The following PCDHA3 variants were observed in gnomAD, a reference collection of about 807,000 sequenced individuals.
PCDHA3 encodes the protein protocadherin alpha-3.
A neutral mutation model predicts 62.2 loss-of-function variants in PCDHA3; 41 were observed. That is an observed-to-expected ratio of 0.66 (90% CI 0.51 to 0.86). The LOEUF is 0.86. PCDHA3 is among the 40% of genes least tolerant of loss of function. The probability of loss-of-function intolerance (pLI) is 0.00; values close to 1 mark genes in which losing one functional copy is unlikely to be tolerated. For missense variants in PCDHA3, 1,304 were observed against 1,241.2 expected, an observed-to-expected ratio of 1.05 and a Z score of -0.76; for synonymous variants, 640 against 555.4, an observed-to-expected ratio of 1.15 and a Z score of -2.14.
chr5:140,802,689 C>A lies in PCDHA3; in HGVS notation c.1492C>A (p.Arg498=). 4 of 1,612,930 alleles carry A rather than the reference C, an allele frequency of 2.5e-6. No homozygotes were observed. The highest frequency in any genetic ancestry group is 3.4e-6 in the Non-Finnish European group (4 of 1,179,786). ...ALVSYSLVER[R]VGERALSSYV... The stretch of plus-strand genomic sequence containing the variant: ...GGTGTCCTACTCGCTGGTGGAACGG[C>A]GGGTGGGGGAGCGCGCGCTGTCGAG... Residue 498 remains arginine (R), a synonymous_variant, in exon 1 of 4, where the codon CGG becomes AGG. Coordinates refer to ENST00000522353, the MANE Select transcript of PCDHA3 (RefSeq NM_018906.3).
At chr5:140,978,283 G>A (rs1355729190) in intron 1 of PCDHA3, among the ~76,000 whole-genome samples, 3 of 152,200 alleles carry the variant, frequency 2.0e-5, no homozygotes, top group South Asian at 2.1e-4. Context: ...CAGTGATTCA[G>A]TGAGGAGGGA....
intron 1 of PCDHA3, among the ~76,000 whole-genome samples, chr5:140,872,243 T>A (rs1484959006): frequency 6.6e-6 from 1 of 152,192 alleles, no homozygotes; most frequent in African/African-American, 2.4e-5. Flanking sequence ...TCTTTATTCC[T>A]GTGATAATAC....
intron 1 of PCDHA3, chr5:140,850,598 C>A (rs1358773904): frequency 6.3e-7 from 1 of 1,598,460 alleles, no homozygotes; most frequent in Non-Finnish European, 8.6e-7. Context: ...TGTACCTGAT[C>A]ATCGCCATCT....
rs2042132176 is a variant in PCDHA3, at chr5:140,851,700, G to A, written c.2394+48109G>A. On this transcript the variant is annotated intron_variant, in intron 1 of 3. Transcript: ENST00000522353. ...TCTCCATTCAGTGATAAAATGATCA[G>A]CCATGTGAAGATTCGAAACTTCGAG... 4.2e-6 allele frequency: 4 copies of A among 943,922 alleles called. 1 individual carries two copies. Among genetic ancestry groups the A allele is most frequent in the Admixed American group, 1.3e-4 (2 of 15,858 alleles). The allele number at this position is 943,922 out of a possible 1,614,324, so 58.5% of individuals were successfully genotyped here. A position where few individuals can be genotyped will look rare whatever the true frequency, so the allele number is the denominator to read the frequency against.
chr5:140,943,742 T>C (rs1326111617), intron 1 of PCDHA3, among the ~76,000 whole-genome samples: 2 of 152,200 alleles, frequency 1.3e-5, no homozygotes, highest in Non-Finnish European at 2.9e-5. Context: ...GTCCACAGTC[T>C]AAAAGCAGTA....
chr5:140,929,722 T>G (rs558208996), intron 1 of PCDHA3: 1 of 221,696 alleles, frequency 4.5e-6, no homozygotes, highest in Non-Finnish European at 9.4e-6. Flanking sequence ...AGGTGAAACA[T>G]TTACTTAAAC....
chr5:140,851,156 T>C (rs1174677153), intron 1 of PCDHA3: 2 of 1,302,318 alleles, frequency 1.5e-6, no homozygotes, highest in South Asian at 2.6e-5. Context: ...GAATTTCTGA[T>C]GCTATGCTGC....
intron 1 of PCDHA3, chr5:140,883,064 G>A (rs2059422329): frequency 1.2e-6 from 2 of 1,614,096 alleles, no homozygotes; most frequent in Non-Finnish European, 1.7e-6. Context: ...CAAGCTAAAT[G>A]CCACAGATCC....
Position 140,849,797 on chromosome 5 carries a change from A to G in PCDHA3, c.2394+46206A>G, listed in dbSNP as rs2150450643. On this transcript the variant is annotated intron_variant, in intron 1 of 3. Coordinates refer to ENST00000522353, the MANE Select transcript of PCDHA3 (RefSeq NM_018906.3). ...CCGCGCGGGACGGGGGCTCGCCTTC[A>G]CTGTGGGCCACGGCCAGGGTGTCTG... 700 of 1,597,928 alleles carry G rather than the reference A, an allele frequency of 4.4e-4. 59 individuals carry two copies. Among genetic ancestry groups the G allele is most frequent in the Non-Finnish European group, 5.7e-4 (663 of 1,167,700 alleles).
Position 141,010,878 on chromosome 5 carries a change from A to C in PCDHA3, c.*941A>C, listed in dbSNP as rs2098418656. 1.3e-5 allele frequency: 2 copies of C among 153,770 alleles called. No homozygotes were observed. Among genetic ancestry groups the C allele is most frequent in the South Asian group, 4.1e-4 (2 of 4,830 alleles). The allele number at this position is 153,770 out of a possible 1,614,324, so 9.5% of individuals were successfully genotyped here. ...GAAAGTCTATAGCTATAAATCTTTA[A>C]AGAGAAATATGAATACAATTCCCCT... On this transcript the variant is annotated 3_prime_UTR_variant, in exon 4 of 4. Transcript: ENST00000522353.
chr5:140,823,396 G>A (rs17844295), intron 1 of PCDHA3: 3 of 1,612,796 alleles, frequency 1.9e-6, no homozygotes, highest in South Asian at 2.2e-5. Flanking sequence ...CGACGCGGGC[G>A]TGCCGCCTCT....
At position 140,801,300 on chromosome 5, in the gene PCDHA3, G is replaced by T; in HGVS notation, c.103G>T (p.Val35Phe). 6.2e-7 allele frequency: 1 copy of T among 1,613,456 alleles called. No homozygotes were observed. Among genetic ancestry groups the T allele is most frequent in the Non-Finnish European group, 8.5e-7 (1 of 1,179,926 alleles). Residue 35 changes from valine to phenylalanine, a missense_variant, in exon 1 of 4, where the codon GTC (valine) becomes TTC (phenylalanine). By Grantham distance (50) the Val-to-Phe change is conservative. Coordinates refer to ENST00000522353, the MANE Select transcript of PCDHA3 (RefSeq NM_018906.3). ...GGGGAGCGGCCAGCTCCACTACTCCGTCTCTGAGGAGGCCAAGCATGGCAC... is the reference window on the plus strand; with the variant it reads ...GGGGAGCGGCCAGCTCCACTACTCCTTCTCTGAGGAGGCCAAGCATGGCAC... ...EVGSGQLHYS[V>F]SEEAKHGTFV...
At chr5:140,813,300 A>G (rs1301476269) in intron 1 of PCDHA3, 1 of 152,198 alleles carries the variant, frequency 6.6e-6, no homozygotes, top group Non-Finnish European at 1.5e-5. Flanking sequence ...CTGAGATTTC[A>G]TCACTGTGCA....
At chr5:140,909,961 A>G (rs1407330494) in intron 1 of PCDHA3, among the ~76,000 whole-genome samples, 2 of 152,206 alleles carry the variant, frequency 1.3e-5, no homozygotes, top group Non-Finnish European at 2.9e-5. Flanking sequence ...GTAGGTCTCC[A>G]TGGGGAAGGA....
chr5:140,856,440 G>C, intron 1 of PCDHA3: 2 of 1,598,404 alleles, frequency 1.3e-6, no homozygotes, highest in East Asian at 2.2e-5. Context: ...AACCCGCCCA[G>C]GTTCTCCGTA....
intron 1 of PCDHA3, among the ~76,000 whole-genome samples, chr5:140,922,947 C>A (rs533564361): frequency 6.6e-6 from 1 of 152,178 alleles, no homozygotes; most frequent in South Asian, 2.1e-4. Context: ...AATGGAAATC[C>A]AGTTTGTCTT....
chr5:140,960,031 G>A (rs1331929817), intron 1 of PCDHA3, among the ~76,000 whole-genome samples: 4 of 152,220 alleles, frequency 2.6e-5, no homozygotes, highest in African/African-American at 7.2e-5. Flanking sequence ...TGTTAAGTCC[G>A]GCTGTTTATT....
At chr5:140,823,528 G>T in intron 1 of PCDHA3, 1 of 1,613,758 alleles carries the variant, frequency 6.2e-7, no homozygotes. Context: ...GAGGTCAGTG[G>T]GTGCGGGCCA....
chr5:140,854,565 T>C (rs2043162230), intron 1 of PCDHA3: 1 of 150,016 alleles, frequency 6.7e-6, no homozygotes, highest in Non-Finnish European at 1.5e-5. Context: ...ATTGTTGCTC[T>C]GTCATTCAGA....
Sources: allele counts gnomAD v4.1 joint callset (sites outside exome capture counted in the v4.1 genomes callset), GRCh38; gene constraint gnomAD v4.1.1; transcripts MANE v1.5; gene names NCBI Gene and HGNC (gene_info 2026-07-23, HGNC 2026-07-21).